Variants in NARS2 observed in about 807,000 individuals in gnomAD.
NARS2 encodes asparaginyl-tRNA synthetase.
Under a neutral mutation model 62.9 loss-of-function variants are expected in NARS2, and 60 were observed. The ratio of observed to expected loss-of-function variants is 0.95; its 90% confidence interval spans 0.77 to 1.18. The LOEUF (loss-of-function observed/expected upper bound fraction) is 1.18. Among genes scored for constraint, NARS2 ranks in the 50% most tolerant of loss-of-function variants. The pLI, the probability that NARS2 is intolerant of heterozygous loss-of-function variation, is 0.00. For synonymous variants in NARS2, 196 were observed against 200.0 expected, an observed-to-expected ratio of 0.98 and a Z score of 0.17; for missense variants, 619 against 576.4, an observed-to-expected ratio of 1.07 and a Z score of -0.76.
At chr11:78,483,900 A>T (rs1859462260) in intron 7 of NARS2, among the ~76,000 whole-genome samples, 1 of 152,218 alleles carries the variant, frequency 6.6e-6, no homozygotes, top group African/African-American at 2.4e-5. Flanking sequence ...ATTAAATTTC[A>T]TATGGAACCA....
chr11:78,574,236 C>T, intron 1 of NARS2, 112 bp downstream of exon 1: 1 of 1,429,168 alleles, frequency 7.0e-7, no homozygotes, highest in Non-Finnish European at 9.8e-7. Context: ...CACTTTCTAA[C>T]TTTTCCCTGC....
chr11:78,459,282 T>A (rs760652529), intron 11 of NARS2, among the ~76,000 whole-genome samples: 5 of 150,716 alleles, frequency 3.3e-5, no homozygotes, highest in Non-Finnish European at 5.9e-5. Flanking sequence ...TTGTTTTTTT[T>A]AAATTGAGAC....
intron 10 of NARS2, among the ~76,000 whole-genome samples, chr11:78,468,792 C>CTTT (rs538005557): frequency 3.8e-5 from 5 of 130,640 alleles, no homozygotes; most frequent in Admixed American, 7.7e-5. Context: ...TAAAAATTCA[C>CTTT]TTTTTTTTTT....
chr11:78,494,423 T>C (rs564908496), intron 6 of NARS2, among the ~76,000 whole-genome samples: 8 of 151,930 alleles, frequency 5.3e-5, no homozygotes, highest in African/African-American at 1.9e-4. Flanking sequence ...GAAAACTTAG[T>C]GTAGAAAATA....
chr11:78,572,423 T>C (rs1423212395), intron 1 of NARS2, among the ~76,000 whole-genome samples: 2 of 152,150 alleles, frequency 1.3e-5, no homozygotes, highest in Non-Finnish European at 2.9e-5. Context: ...CACCGATTAG[T>C]AGAGTTGAGA....
At chr11:78,509,888 T>A (rs1206974920) in intron 6 of NARS2, among the ~76,000 whole-genome samples, 1 of 151,488 alleles carries the variant, frequency 6.6e-6, no homozygotes, top group Non-Finnish European at 1.5e-5. Flanking sequence ...TGTATGTTAC[T>A]GAAGTTGAGC....
At chr11:78,507,346 G>T (rs1388073769) in intron 6 of NARS2, among the ~76,000 whole-genome samples, 1 of 152,080 alleles carries the variant, frequency 6.6e-6, no homozygotes, top group Non-Finnish European at 1.5e-5. Context: ...AAAGACCTGA[G>T]AAGACATTAA....
At chr11:78,477,481 C>T (rs1485381927) in intron 9 of NARS2, among the ~76,000 whole-genome samples, 3 of 152,194 alleles carry the variant, frequency 2.0e-5, no homozygotes, top group Non-Finnish European at 2.9e-5. Flanking sequence ...CTCTCACCCT[C>T]AGTAAATCCT....
chr11:78,518,733 A>G (rs1394003228), intron 6 of NARS2, among the ~76,000 whole-genome samples: 1 of 152,078 alleles, frequency 6.6e-6, no homozygotes, highest in African/African-American at 2.4e-5. Context: ...TAGCCAGGAT[A>G]GTCTCCATCT....
At chr11:78,468,310 G>GGAAAAAAAAAAAAAAAAAAAAAAAA (rs1555015326) in intron 10 of NARS2, among the ~76,000 whole-genome samples, 2 of 67,432 alleles carry the variant, frequency 3.0e-5, no homozygotes, top group African/African-American at 5.9e-5. Context: ...CACTAAATCT[G>GGAAAAAAAAAAAAAAAAAAAAAAAA]AAAAAAAAAA....
At chr11:78,555,391 T>C (rs1345393579) in intron 5 of NARS2, 1 of 152,214 alleles carries the variant, frequency 6.6e-6, no homozygotes, top group East Asian at 1.9e-4. Flanking sequence ...ATTTATTATT[T>C]ATTCAGTTTT....
rs915521643 is a variant in NARS2 at position 78,466,009 on chromosome 11, C to A, written c.1031G>T (p.Gly344Val). The change falls in exon 11 of 14, where the codon GGT becomes GTT. Residue 344 changes from glycine to valine, a missense_variant. Coordinates refer to ENST00000281038, the MANE Select transcript of NARS2 (RefSeq NM_024678.6). Reference protein sequence around the residue: ...SQNFTFTPEWGADLRTEHEKY... With the variant: ...SQNFTFTPEWVADLRTEHEKY... ...TTCATGTTCAGTCCGTAGGTCAGCA[C>A]CCCACTGTAATGAGAAGAAAGAAAT... The A allele has an allele frequency of 6.2e-7, 1 of 1,600,686 alleles. No homozygotes were observed.
chr11:78,436,441 A>G lies in NARS2; in HGVS notation c.*229T>C. On this transcript the variant is annotated 3_prime_UTR_variant, in exon 14 of 14. Coordinates refer to ENST00000281038, the MANE Select transcript of NARS2 (RefSeq NM_024678.6). ...TCTTAATTGAGGTAATGGATTTGAG[A>G]GTCCCCTTGCTATAAGTACCTCTTC... The G allele has an allele frequency of 2.1e-6, 1 of 466,882 alleles. No homozygotes were observed. Among genetic ancestry groups the G allele is most frequent in the Non-Finnish European group, 3.8e-6 (1 of 261,438 alleles). The allele number at this position is 466,882 out of a possible 1,614,324, so 28.9% of individuals were successfully genotyped here. A position where few individuals can be genotyped will look rare whatever the true frequency, so the allele number is the denominator to read the frequency against.
intron 11 of NARS2, 97 bp from the exon 12 acceptor site, chr11:78,443,855 A>T (rs1331344852): frequency 1.3e-6 from 1 of 769,978 alleles, no homozygotes; most frequent in African/African-American, 1.8e-5. Flanking sequence ...GGCAATGGCT[A>T]ATTAACTACC....
At chr11:78,525,051 T>C (rs924367651) in intron 6 of NARS2, among the ~76,000 whole-genome samples, 10 of 152,112 alleles carry the variant, frequency 6.6e-5, no homozygotes, top group African/African-American at 1.9e-4. Context: ...AAAAGGGCTC[T>C]ATGGTGTATG....
intron 5 of NARS2, among the ~76,000 whole-genome samples, chr11:78,538,255 T>G (rs770986820): frequency 8.5e-5 from 13 of 152,176 alleles, no homozygotes; most frequent in Non-Finnish European, 1.9e-4. Flanking sequence ...GCCTTCTTAC[T>G]GCTAATAGCC....
intron 7 of NARS2, among the ~76,000 whole-genome samples, chr11:78,491,613 TGGTTTA>T (rs1477771213): frequency 6.6e-6 from 1 of 152,240 alleles, no homozygotes; most frequent in African/African-American, 2.4e-5. Flanking sequence ...TGTTCCCATC[TGGTTTA>T]GGACCATTCC....
At chr11:78,545,156 A>G (rs1187133165) in intron 5 of NARS2, among the ~76,000 whole-genome samples, 1 of 152,178 alleles carries the variant, frequency 6.6e-6, no homozygotes, top group East Asian at 1.9e-4. Flanking sequence ...TTAAGTTGGA[A>G]GCACTATATT....
chr11:78,499,607 A>G (rs1860207542), intron 6 of NARS2, among the ~76,000 whole-genome samples: 1 of 152,266 alleles, frequency 6.6e-6, no homozygotes, highest in African/African-American at 2.4e-5. Flanking sequence ...TTGCTCTGTC[A>G]ACAAGAAAAT....
Sources: allele counts gnomAD v4.1 joint callset (sites outside exome capture counted in the v4.1 genomes callset), GRCh38; gene constraint gnomAD v4.1.1; transcripts MANE v1.5; gene names NCBI Gene and HGNC (gene_info 2026-07-23, HGNC 2026-07-21).